ENTREP2: variants seen among roughly 807,000 people sequenced by gnomAD.
ENTREP2 encodes protein ENTREP2.
At chr15:29,450,995 A>T in the ENTREP2 span, among the ~76,000 whole-genome samples, 1 of 152,000 alleles carries the variant, frequency 6.6e-6, no homozygotes, top group Non-Finnish European at 1.5e-5. Context: ...AAAAAAAAAA[A>T]CTGTTGGGTA....
chr15:29,576,807 TG>T, the ENTREP2 span, among the ~76,000 whole-genome samples: 3 of 152,262 alleles, frequency 2.0e-5, no homozygotes, highest in African/African-American at 7.2e-5. Flanking sequence ...ATTATTAACT[TG>T]TTTTTGTTTT....
the ENTREP2 span, among the ~76,000 whole-genome samples, chr15:29,474,152 G>A: frequency 5.3e-5 from 8 of 152,156 alleles, no homozygotes; most frequent in African/African-American, 1.2e-4. Flanking sequence ...AAAGACCAGT[G>A]CCCATCCTGC....
the ENTREP2 span, among the ~76,000 whole-genome samples, chr15:29,529,617 G>A: frequency 6.6e-6 from 1 of 151,960 alleles, no homozygotes; most frequent in Admixed American, 6.6e-5. Context: ...AGCTAGCCTG[G>A]GAGGGACAGT....
chr15:29,567,659 G>C, the ENTREP2 span, among the ~76,000 whole-genome samples: 1 of 152,136 alleles, frequency 6.6e-6, no homozygotes, highest in Admixed American at 6.5e-5. Flanking sequence ...AACTCAGGGA[G>C]AGGGAACCAC....
At chr15:29,243,837 G>A in the ENTREP2 span, among the ~76,000 whole-genome samples, 6 of 152,084 alleles carry the variant, frequency 3.9e-5, no homozygotes, top group Non-Finnish European at 8.8e-5. Context: ...GGGAAAATAC[G>A]TTAAAAGTAG....
the ENTREP2 span, among the ~76,000 whole-genome samples, chr15:29,135,865 G>A: frequency 7.2e-4 from 109 of 152,314 alleles, no homozygotes; most frequent in African/African-American, 2.1e-3. This position sits in a 1 kb window ranked among gnomAD's most constrained non-coding sequence, Gnocchi z 7.4. Context: ...CCCAGAGGGC[G>A]GTGATGGCAG....
the ENTREP2 span, among the ~76,000 whole-genome samples, chr15:29,226,979 T>G: frequency 5.3e-5 from 8 of 152,198 alleles, no homozygotes. Context: ...CTGAACTAGG[T>G]TGTCACACAC....
At chr15:29,182,774 A>G in the ENTREP2 span, among the ~76,000 whole-genome samples, 6 of 152,066 alleles carry the variant, frequency 3.9e-5, no homozygotes, top group Non-Finnish European at 7.4e-5. Flanking sequence ...CCTATTAACT[A>G]CAAGACAAAT....
chr15:29,139,539 T>G, the ENTREP2 span, among the ~76,000 whole-genome samples: 1 of 152,164 alleles, frequency 6.6e-6, no homozygotes, highest in East Asian at 1.9e-4. Context: ...ACTAATGACA[T>G]GCAGACACCA....
At chr15:29,520,850 A>T in the ENTREP2 span, among the ~76,000 whole-genome samples, 45 of 152,336 alleles carry the variant, frequency 3.0e-4, 1 homozygote, top group South Asian at 2.7e-3. Context: ...AATAGGAAGA[A>T]ATCTGACAAA....
the ENTREP2 span, among the ~76,000 whole-genome samples, chr15:29,593,379 C>T: frequency 2.0e-5 from 3 of 152,142 alleles, no homozygotes; most frequent in African/African-American, 7.2e-5. Context: ...CCACTCAAGC[C>T]TGCATCACCC....
chr15:29,336,430 C>A, the ENTREP2 span, among the ~76,000 whole-genome samples: 1 of 151,862 alleles, frequency 6.6e-6, no homozygotes, highest in Non-Finnish European at 1.5e-5. Flanking sequence ...TCCCACCTTG[C>A]CTCCCAAGCA....
At chr15:29,548,897 T>A in the ENTREP2 span, among the ~76,000 whole-genome samples, 1 of 152,170 alleles carries the variant, frequency 6.6e-6, no homozygotes, top group Admixed American at 6.5e-5. Context: ...AAACTAAATT[T>A]GGGCTGAGGA....
At chr15:29,428,713 G>T in the ENTREP2 span, among the ~76,000 whole-genome samples, 1 of 152,286 alleles carries the variant, frequency 6.6e-6, no homozygotes, top group South Asian at 2.1e-4. Flanking sequence ...ACTTCATAAT[G>T]CAGGGTTTCC....
At chr15:29,579,776 T>C in the ENTREP2 span, among the ~76,000 whole-genome samples, 1 of 141,592 alleles carries the variant, frequency 7.1e-6, no homozygotes, top group African/African-American at 2.7e-5. Flanking sequence ...AGTGGCGCGA[T>C]CTCGGCTCAC....
At chr15:29,341,192 G>C in the ENTREP2 span, among the ~76,000 whole-genome samples, 10 of 152,206 alleles carry the variant, frequency 6.6e-5, no homozygotes, top group African/African-American at 2.4e-4. Context: ...TTGTGTCAGA[G>C]CTACAACTAA....
At chr15:29,377,786 C>T in the ENTREP2 span, among the ~76,000 whole-genome samples, 7 of 149,458 alleles carry the variant, frequency 4.7e-5, no homozygotes, top group African/African-American at 1.5e-4. Flanking sequence ...GTACCATTGC[C>T]CTCCAGCCTG....
chr15:29,134,453 C>T, the ENTREP2 span, among the ~76,000 whole-genome samples: 4 of 152,162 alleles, frequency 2.6e-5, no homozygotes, highest in Non-Finnish European at 5.9e-5. Flanking sequence ...GGACTGTCTG[C>T]TTGTGTGAGG....
At chr15:29,140,227 G>A in the ENTREP2 span, among the ~76,000 whole-genome samples, 1 of 152,152 alleles carries the variant, frequency 6.6e-6, no homozygotes, top group Non-Finnish European at 1.5e-5. Context: ...CTGACCATCT[G>A]GGGCACATCT....
Sources: allele counts gnomAD v4.1 joint callset (sites outside exome capture counted in the v4.1 genomes callset), GRCh38; gene constraint gnomAD v4.1.1; non-coding constraint Gnocchi (gnomAD v3.1); transcripts MANE v1.5; gene names NCBI Gene and HGNC (gene_info 2026-07-23, HGNC 2026-07-21).